The following PDZRN4 variants were observed in gnomAD, a reference collection of about 807,000 sequenced individuals.
PDZRN4 encodes the protein PDZ domain containing ring finger 4, also known as PDZ domain-containing RING finger protein 4.
A neutral mutation model predicts 99.0 loss-of-function variants in PDZRN4; 70 were observed. The observed-to-expected ratio is 0.71, with a 90% CI of 0.58 to 0.86. The LOEUF is 0.86. Among genes scored for constraint, PDZRN4 ranks in the 40% least tolerant of loss-of-function variants. PDZRN4 has a pLI of 0.00. For synonymous variants in PDZRN4, 551 were observed against 501.6 expected (o/e 1.10, Z -1.32); for missense variants, 1,474 against 1,331.2 (o/e 1.11, Z -1.67).
intron 3 of PDZRN4, among the ~76,000 whole-genome samples, chr12:41,497,866 C>A (rs767601700): frequency 3.3e-5 from 5 of 152,032 alleles, no homozygotes; most frequent in Non-Finnish European, 5.9e-5. Context: ...GCAACAGAAA[C>A]AAACTCTACA....
At chr12:41,323,920 T>A (rs1951694876) in intron 3 of PDZRN4, among the ~76,000 whole-genome samples, 1 of 152,032 alleles carries the variant, frequency 6.6e-6, no homozygotes, top group African/African-American at 2.4e-5. Context: ...GTTATAAAGA[T>A]ATAATCCAAA....
At chr12:41,548,282 A>C (rs1207034508) in intron 5 of PDZRN4, among the ~76,000 whole-genome samples, 2 of 152,230 alleles carry the variant, frequency 1.3e-5, no homozygotes, top group Non-Finnish European at 2.9e-5. Flanking sequence ...ATAATAGACT[A>C]TCTAGCTTTC....
chr12:41,389,193 G>A (rs893721238), intron 3 of PDZRN4, among the ~76,000 whole-genome samples: 43 of 152,048 alleles, frequency 2.8e-4, no homozygotes, highest in Admixed American at 2.8e-3. Context: ...GAGTGTACTC[G>A]AAAGGCCCAT....
intron 3 of PDZRN4, among the ~76,000 whole-genome samples, chr12:41,200,377 T>C (rs1950806732): frequency 6.6e-6 from 1 of 152,160 alleles, no homozygotes; most frequent in African/African-American, 2.4e-5. Flanking sequence ...ACTGAGACTT[T>C]ATTATTAATA....
At chr12:41,341,861 T>C (rs914882842) in intron 3 of PDZRN4, among the ~76,000 whole-genome samples, 1 of 151,886 alleles carries the variant, frequency 6.6e-6, no homozygotes, top group African/African-American at 2.4e-5. Context: ...CTAAAATTCA[T>C]ATGAAAACAC....
At chr12:41,555,052 CAAAAAAAAAAAAA>C (rs67810817) in intron 6 of PDZRN4, among the ~76,000 whole-genome samples, 7,488 of 113,604 alleles carry the variant, frequency 0.066, 798 homozygotes, top group African/African-American at 0.23. Flanking sequence ...ACTAAAAATA[CAAAAAAAAAAAAA>C]AAAAAAAAAA....
At chr12:41,342,389 A>T (rs958229385) in intron 3 of PDZRN4, among the ~76,000 whole-genome samples, 3 of 151,866 alleles carry the variant, frequency 2.0e-5, no homozygotes, top group Non-Finnish European at 4.4e-5. Context: ...CAGCAAAAGA[A>T]ACCCTTAACA....
intron 3 of PDZRN4, among the ~76,000 whole-genome samples, chr12:41,351,064 A>G (rs1838519579): frequency 6.6e-6 from 1 of 152,140 alleles, no homozygotes; most frequent in Non-Finnish European, 1.5e-5. Flanking sequence ...GGTTATGGAC[A>G]CTATTCTGGT....
At chr12:41,384,026 G>T (rs199820633) in intron 3 of PDZRN4, among the ~76,000 whole-genome samples, 2 of 112,044 alleles carry the variant, frequency 1.8e-5, no homozygotes, top group East Asian at 5.6e-4. Flanking sequence ...TTTTTGAGAC[G>T]GAATCTCTGT....
At chr12:41,347,464 A>C (rs10785241) in intron 3 of PDZRN4, among the ~76,000 whole-genome samples, 58,503 of 151,980 alleles carry the variant, frequency 0.38, 11,352 homozygotes, top group African/African-American at 0.41. Flanking sequence ...TGTCTACTCA[A>C]ATCCTTAGCC....
At chr12:41,198,963 A>G (rs1950796870) in intron 3 of PDZRN4, among the ~76,000 whole-genome samples, 1 of 152,138 alleles carries the variant, frequency 6.6e-6, no homozygotes, top group South Asian at 2.1e-4. Context: ...TACTGCTAAA[A>G]TGAAAATCTT....
At chr12:41,299,331 C>T (rs1202134725) in intron 3 of PDZRN4, among the ~76,000 whole-genome samples, 6 of 152,076 alleles carry the variant, frequency 3.9e-5, no homozygotes, top group Admixed American at 3.9e-4. Context: ...GACACTCTTT[C>T]TCAATGAGTA....
intron 3 of PDZRN4, among the ~76,000 whole-genome samples, chr12:41,353,172 A>G (rs1243145077): frequency 6.6e-6 from 1 of 152,126 alleles, no homozygotes; most frequent in Non-Finnish European, 1.5e-5. Flanking sequence ...ATTTGTGAAG[A>G]TGAGACAGAA....
chr12:41,464,518 T>C (rs1952906588), intron 3 of PDZRN4, among the ~76,000 whole-genome samples: 1 of 152,204 alleles, frequency 6.6e-6, no homozygotes, highest in South Asian at 2.1e-4. Context: ...ATATGCATTC[T>C]GAAATTGTAG....
intron 3 of PDZRN4, among the ~76,000 whole-genome samples, chr12:41,319,800 AC>A (rs1951662785): frequency 6.6e-6 from 1 of 152,214 alleles, no homozygotes; most frequent in Non-Finnish European, 1.5e-5. Context: ...TATTTATCTC[AC>A]CTGCGACTGT....
chr12:41,268,150 A>G (rs928755704), intron 3 of PDZRN4, among the ~76,000 whole-genome samples: 3 of 152,182 alleles, frequency 2.0e-5, no homozygotes, highest in Admixed American at 6.5e-5. Flanking sequence ...CCTATGTTGT[A>G]CAAGTCACAT....
intron 3 of PDZRN4, among the ~76,000 whole-genome samples, chr12:41,483,652 C>T (rs529785517): frequency 6.6e-5 from 10 of 152,148 alleles, no homozygotes; most frequent in Non-Finnish European, 1.0e-4. Flanking sequence ...TAGACTAAAT[C>T]GACTGTATGA....
At chr12:41,361,234 ATAGAATTAGCTTTCAG>A (rs1414170291) in intron 3 of PDZRN4, among the ~76,000 whole-genome samples, 1 of 152,094 alleles carries the variant, frequency 6.6e-6, no homozygotes, top group Non-Finnish European at 1.5e-5. Flanking sequence ...ACAAATAATT[ATAGAATTAGCTTTCAG>A]TAACTTCTTT....
intron 3 of PDZRN4, among the ~76,000 whole-genome samples, chr12:41,288,638 A>G (rs1951436813): frequency 6.6e-6 from 1 of 152,168 alleles, no homozygotes; most frequent in South Asian, 2.1e-4. Context: ...ATGGATGAGA[A>G]ATCAATAAAT....
Sources: gnomAD v4.1 joint callset for allele counts (sites outside exome capture counted in the v4.1 genomes callset) on GRCh38, gnomAD v4.1.1 for gene constraint, MANE v1.5 for transcripts, NCBI Gene and HGNC (gene_info 2026-07-23, HGNC 2026-07-21) for gene names.